Variants in JAKMIP1 observed in about 807,000 individuals in gnomAD.
JAKMIP1 encodes the protein janus kinase and microtubule interacting protein 1, also known as janus kinase and microtubule-interacting protein 1.
Under a neutral mutation model 113.0 loss-of-function variants are expected in JAKMIP1, and 33 were observed. That is an observed-to-expected ratio of 0.29 (90% CI 0.22 to 0.39). JAKMIP1 has a LOEUF of 0.39. JAKMIP1 is among the 10% of genes least tolerant of loss of function. The pLI, the probability that JAKMIP1 is intolerant of heterozygous loss-of-function variation, is 1.00. For missense variants in JAKMIP1, 813 were observed against 1,080.5 expected (o/e 0.75, Z 3.47); for synonymous variants, 480 against 459.9 (o/e 1.04, Z -0.56).
rs867164505 is a variant in JAKMIP1 at position 6,112,900 on chromosome 4, C to T, written c.-50G>A. On this transcript the variant is annotated 5_prime_UTR_variant, in exon 2 of 21. It adds an upstream start codon to the 5' untranslated region. Transcript: ENST00000409021. ...AGATCCTGCGGTCCACACCTGTTCA[C>T]GCACGCCAGCCAGCAGGCGTGGCTA... 3.7e-5 allele frequency: 59 copies of T among 1,585,358 alleles called. No homozygotes were observed. The Middle Eastern group carries it at 8.4e-4, about 23-fold the overall frequency.
chr4:6,092,324 G>T (rs1270703877), intron 3 of JAKMIP1, among the ~76,000 whole-genome samples: 1 of 152,160 alleles, frequency 6.6e-6, no homozygotes, highest in Admixed American at 6.5e-5. Flanking sequence ...ACTTTCCCTA[G>T]ATCTCCTTCC....
At chr4:6,148,875 G>T (rs1459951721) in intron 1 of JAKMIP1, among the ~76,000 whole-genome samples, 1 of 152,242 alleles carries the variant, frequency 6.6e-6, no homozygotes, top group East Asian at 1.9e-4. Flanking sequence ...TCCACGCACA[G>T]GCATGTAGAA....
At chr4:6,119,663 T>C (rs1321919671) in intron 1 of JAKMIP1, among the ~76,000 whole-genome samples, 1 of 152,220 alleles carries the variant, frequency 6.6e-6, no homozygotes, top group African/African-American at 2.4e-5. Context: ...AAGCCTTGCC[T>C]TGCCCCTCTC....
At position 6,153,644 on chromosome 4, in the gene JAKMIP1, C is replaced by A. The variant is rs1157533024; in HGVS notation, c.-147-40647G>T. 6.6e-6 allele frequency among the ~76,000 whole-genome samples: 1 copy of A among 152,202 alleles called. No individual in the cohort carries two copies. The highest frequency in any genetic ancestry group is 2.4e-5 in the African/African-American group (1 of 41,446). ...TGGAAGGCCATCATGTTCCCGTGTG[C>A]CCCTCGGCACCTTACCTTTATGTGC... On this transcript the variant is annotated intron_variant, in intron 1 of 20. Coordinates refer to ENST00000409021, the MANE Select transcript of JAKMIP1 (RefSeq NM_001099433.2). The surrounding 1 kb of genome is among the most constrained non-coding windows in gnomAD (Gnocchi z 4.9).
chr4:6,036,826 G>A (rs2108750178), intron 18 of JAKMIP1, among the ~76,000 whole-genome samples: 1 of 152,352 alleles, frequency 6.6e-6, no homozygotes, highest in Non-Finnish European at 1.5e-5. Context: ...TTACTAAGGA[G>A]CAGCTACTTC....
At chr4:6,195,335 G>A (rs984515906) in intron 1 of JAKMIP1, among the ~76,000 whole-genome samples, 6 of 152,196 alleles carry the variant, frequency 3.9e-5, no homozygotes, top group African/African-American at 9.7e-5. Context: ...GGTAGCGCTC[G>A]TTGCTCAACA....
At chr4:6,120,813 C>T (rs1182161547) in intron 1 of JAKMIP1, among the ~76,000 whole-genome samples, 2 of 152,170 alleles carry the variant, frequency 1.3e-5, no homozygotes, top group East Asian at 1.9e-4. Flanking sequence ...GACTCAGAGG[C>T]TGTCCGAGTC....
Position 6,081,790 on chromosome 4 carries a change from C to G in JAKMIP1, c.955-35G>C. The G allele has an allele frequency of 6.2e-7, 1 of 1,613,338 alleles. No individual in the cohort carries two copies. Among genetic ancestry groups the G allele is most frequent in the African/African-American group, 1.3e-5 (1 of 75,022 alleles). On this transcript the variant is annotated intron_variant, in intron 5 of 20. Coordinates refer to ENST00000409021, the MANE Select transcript of JAKMIP1 (RefSeq NM_001099433.2). The surrounding 1 kb of genome is among the most constrained non-coding windows in gnomAD (Gnocchi z 4.6). ...GAAACAGACACAGAGGCTCAGACAA[C>G]TTGACGACGGACGGCCGAGGTCACA...
At chr4:6,177,935 G>C (rs1056775959) in intron 1 of JAKMIP1, among the ~76,000 whole-genome samples, 4 of 152,194 alleles carry the variant, frequency 2.6e-5, no homozygotes, top group African/African-American at 9.7e-5. Context: ...CAGAAGAGGT[G>C]AGATTAACCC....
chr4:6,129,457 A>C lies in JAKMIP1; in HGVS notation c.-147-16460T>G, dbSNP rs1204163337. Among the ~76,000 whole-genome samples the C allele has an allele frequency of 6.6e-6, 1 of 152,200 alleles. No individual in the cohort carries two copies. Among genetic ancestry groups the C allele is most frequent in the African/African-American group, 2.4e-5 (1 of 41,454 alleles). ...TCTATGATCTACAAGGTTTGAGATC[A>C]CATTGAAGTCGACTGGTTAAACACA... On this transcript the variant is annotated intron_variant, in intron 1 of 20. Coordinates refer to ENST00000409021, the MANE Select transcript of JAKMIP1 (RefSeq NM_001099433.2). This position sits in a 1 kb window ranked among gnomAD's most constrained non-coding sequence, Gnocchi z 5.4.
intron 16 of JAKMIP1, among the ~76,000 whole-genome samples, chr4:6,045,360 T>G (rs900916511): frequency 5.3e-5 from 8 of 152,220 alleles, no homozygotes; most frequent in African/African-American, 1.7e-4. Context: ...ACGTGCCATG[T>G]GCCGAGGTGA....
intron 1 of JAKMIP1, among the ~76,000 whole-genome samples, chr4:6,149,957 T>G (rs928887968): frequency 1.3e-5 from 2 of 152,108 alleles, no homozygotes. Flanking sequence ...GCTCTGCACC[T>G]TCCACTGCCC....
intron 12 of JAKMIP1, among the ~76,000 whole-genome samples, chr4:6,055,654 G>A (rs767763527): frequency 1.3e-5 from 2 of 152,236 alleles, no homozygotes; most frequent in Admixed American, 6.5e-5. Flanking sequence ...CCCAACAATA[G>A]GCCAGCCCTC....
chr4:6,119,573 A>C (rs79205917), intron 1 of JAKMIP1, among the ~76,000 whole-genome samples: 4,194 of 85,702 alleles, frequency 0.049, 183 homozygotes, highest in African/African-American at 0.2. Context: ...ACAACAACAA[A>C]AAAAAACCAC....
At chr4:6,191,169 G>A (rs1727214559) in intron 1 of JAKMIP1, among the ~76,000 whole-genome samples, 1 of 152,192 alleles carries the variant, frequency 6.6e-6, no homozygotes, top group Non-Finnish European at 1.5e-5. Context: ...GACACTCTTG[G>A]GCCACGCCAA....
chr4:6,152,789 A>AATATATAT lies in JAKMIP1; in HGVS notation c.-147-39800_-147-39793dup, dbSNP rs35192547. ...AAACTCTGTCTCTACTAAAAATACA[A>AATATATAT]ATATATATATATATATATATACATA... On this transcript the variant is annotated intron_variant, in intron 1 of 20. Transcript: ENST00000409021. 9.6e-3 allele frequency among the ~76,000 whole-genome samples: 1,296 copies of AATATATAT among 135,216 alleles called. 30 individuals are homozygous for AATATATAT. Among genetic ancestry groups the AATATATAT allele is most frequent in the African/African-American group, 0.034 (1,187 of 34,870 alleles). 88.7% of individuals were successfully genotyped at this position (135,216 alleles called of 152,430 possible).
chr4:6,135,141 C>T lies in JAKMIP1; in HGVS notation c.-147-22144G>A, dbSNP rs1719045204. Reference sequence around the variant, plus strand: ...TCTCAAGCCATGGTATATGGGCTGACTCGTGTCCCTCCAAAATTCTTATGT... The same window carrying T: ...TCTCAAGCCATGGTATATGGGCTGATTCGTGTCCCTCCAAAATTCTTATGT... On this transcript the variant is annotated intron_variant, in intron 1 of 20. Coordinates refer to ENST00000409021, the MANE Select transcript of JAKMIP1 (RefSeq NM_001099433.2). The surrounding 1 kb of genome is among the most constrained non-coding windows in gnomAD (Gnocchi z 4.9). Among the ~76,000 whole-genome samples, 1 of 152,156 alleles carries T rather than the reference C, an allele frequency of 6.6e-6. No individual in the cohort carries two copies. Among genetic ancestry groups the T allele is most frequent in the African/African-American group, 2.4e-5 (1 of 41,436 alleles).
rs1722582524 is a variant in JAKMIP1, at chr4:6,094,811, T to C, written c.625-9182A>G. Among the ~76,000 whole-genome samples the C allele has an allele frequency of 6.6e-6, 1 of 151,900 alleles. No homozygotes were observed. Among genetic ancestry groups the C allele is most frequent in the Non-Finnish European group, 1.5e-5 (1 of 67,980 alleles). ...GAGTTCAAGACCAGCCTGGGCAACA[T>C]GGAGAAACCTTGTCTCTGCAAAAAA... On this transcript the variant is annotated intron_variant, in intron 3 of 20. Coordinates refer to ENST00000409021, the MANE Select transcript of JAKMIP1 (RefSeq NM_001099433.2). The surrounding 1 kb of genome is among the most constrained non-coding windows in gnomAD (Gnocchi z 4.2).
intron 3 of JAKMIP1, among the ~76,000 whole-genome samples, chr4:6,098,903 C>T (rs974325058): frequency 3.3e-5 from 5 of 152,214 alleles, no homozygotes; most frequent in Non-Finnish European, 1.5e-5. Context: ...GCTTCTTAAA[C>T]TTCATGTGAG....
Sources: allele counts gnomAD v4.1 joint callset (sites outside exome capture counted in the v4.1 genomes callset), GRCh38; gene constraint gnomAD v4.1.1; non-coding constraint Gnocchi (gnomAD v3.1); transcripts MANE v1.5; gene names NCBI Gene and HGNC (gene_info 2026-07-23, HGNC 2026-07-21).